The following RHOU variants were observed in gnomAD, a reference collection of about 807,000 sequenced individuals.
RHOU encodes rho-related GTP-binding protein RhoU.
In RHOU, 8 loss-of-function variants were observed where a neutral mutation model predicts 12.6. The ratio of observed to expected loss-of-function variants is 0.64; its 90% CI spans 0.37 to 1.15. The LOEUF (loss-of-function observed/expected upper bound fraction) is 1.15, where lower values mean the gene tolerates loss of function less well. Ranked by LOEUF, RHOU falls within the 50% of genes most tolerant of loss-of-function variation. RHOU has a pLI of 0.01. For synonymous variants in RHOU, 161 were observed against 147.4 expected, an observed-to-expected ratio of 1.09 and a Z score of -0.67; for missense variants, 258 against 347.0, an observed-to-expected ratio of 0.74 and a Z score of 2.04.
chr1:228,672,958 A>G, the RHOU span, among the ~76,000 whole-genome samples: 59 of 152,344 alleles, frequency 3.9e-4, 1 homozygote, highest in East Asian at 0.011. Context: ...ATGAACTGCC[A>G]CAGCTTATTC....
the RHOU span, among the ~76,000 whole-genome samples, chr1:228,676,635 C>T: frequency 1.3e-5 from 2 of 152,230 alleles, no homozygotes; most frequent in Non-Finnish European, 2.9e-5. Context: ...CACCTGGGTG[C>T]AGGCAGGCTG....
the RHOU span, among the ~76,000 whole-genome samples, chr1:228,688,996 A>G: frequency 6.6e-6 from 1 of 152,124 alleles, no homozygotes; most frequent in South Asian, 2.1e-4. Flanking sequence ...CTCTAGGGAG[A>G]CAGAATGGAC....
chr1:228,736,692 T>C (rs956810611), intron 1 of RHOU, among the ~76,000 whole-genome samples: 2 of 152,236 alleles, frequency 1.3e-5, no homozygotes, highest in Non-Finnish European at 1.5e-5. Flanking sequence ...AAAGCTCCTA[T>C]GTACCGGGTG....
chr1:228,678,016 T>C, the RHOU span, among the ~76,000 whole-genome samples: 1 of 152,168 alleles, frequency 6.6e-6, no homozygotes. Context: ...AGAGGTATTT[T>C]AGTTTTCTGA....
chr1:228,718,443 G>T, the RHOU span, among the ~76,000 whole-genome samples: 2 of 152,184 alleles, frequency 1.3e-5, no homozygotes, highest in Non-Finnish European at 2.9e-5. Flanking sequence ...CAGTTTAATT[G>T]GGTGGTTCTG....
At chr1:228,709,572 C>T in the RHOU span, among the ~76,000 whole-genome samples, 7 of 145,994 alleles carry the variant, frequency 4.8e-5, no homozygotes, top group Middle Eastern at 3.6e-3. Context: ...GGGTACATAA[C>T]GAAATGAAGG....
chr1:228,734,476 GT>G (rs562932059), upstream of RHOU, among the ~76,000 whole-genome samples: 13 of 152,164 alleles, frequency 8.5e-5, no homozygotes, highest in Non-Finnish European at 8.8e-5. Context: ...ATCCCAAAAC[GT>G]TACTTAATAT....
chr1:228,703,096 T>C, the RHOU span, among the ~76,000 whole-genome samples: 2 of 152,174 alleles, frequency 1.3e-5, no homozygotes, highest in African/African-American at 4.8e-5. Flanking sequence ...CAGCATGGCC[T>C]GGAAAAGCAC....
the RHOU span, among the ~76,000 whole-genome samples, chr1:228,718,954 A>T: frequency 1.3e-5 from 2 of 152,220 alleles, no homozygotes; most frequent in Non-Finnish European, 2.9e-5. Flanking sequence ...GCCAGTTGAG[A>T]GATCAAAAGG....
At chr1:228,705,499 A>C in the RHOU span, among the ~76,000 whole-genome samples, 2 of 152,142 alleles carry the variant, frequency 1.3e-5, no homozygotes, top group African/African-American at 4.8e-5. Flanking sequence ...TGACTTAGCT[A>C]ATGATTTTTT....
the RHOU span, among the ~76,000 whole-genome samples, chr1:228,697,994 G>T: frequency 6.6e-6 from 1 of 152,148 alleles, no homozygotes; most frequent in Non-Finnish European, 1.5e-5. Flanking sequence ...TTGAAACAAT[G>T]ATTAATTGTA....
chr1:228,716,745 C>T, the RHOU span, among the ~76,000 whole-genome samples: 2 of 104,756 alleles, frequency 1.9e-5, no homozygotes, highest in African/African-American at 1.0e-4. Flanking sequence ...CATATACACA[C>T]ACATGTGTGT....
chr1:228,716,124 C>T, the RHOU span, among the ~76,000 whole-genome samples: 5 of 152,136 alleles, frequency 3.3e-5, no homozygotes, highest in East Asian at 9.7e-4. Context: ...TGCTTTGTTG[C>T]CCAGGGTGGT....
the RHOU span, among the ~76,000 whole-genome samples, chr1:228,701,225 C>T: frequency 3.9e-5 from 6 of 151,946 alleles, no homozygotes; most frequent in Admixed American, 1.3e-4. Flanking sequence ...TTGGGAAGGC[C>T]GTCAAATATG....
At chr1:228,655,519 G>A in the RHOU span, among the ~76,000 whole-genome samples, 1 of 152,190 alleles carries the variant, frequency 6.6e-6, no homozygotes, top group South Asian at 2.1e-4. Flanking sequence ...GATAGCAAAG[G>A]CCTATGGAAC....
At chr1:228,660,827 G>C in the RHOU span, among the ~76,000 whole-genome samples, 1 of 151,676 alleles carries the variant, frequency 6.6e-6, no homozygotes, top group Admixed American at 6.6e-5. Flanking sequence ...CAGCTAGTCA[G>C]GAGGCTGAGG....
the RHOU span, among the ~76,000 whole-genome samples, chr1:228,695,848 T>A: frequency 6.6e-6 from 1 of 152,178 alleles, no homozygotes; most frequent in South Asian, 2.1e-4. Flanking sequence ...CAACTCAACC[T>A]TCAGCCCCTC....
chr1:228,696,461 C>T, the RHOU span, among the ~76,000 whole-genome samples: 1 of 151,816 alleles, frequency 6.6e-6, no homozygotes, highest in Non-Finnish European at 1.5e-5. Context: ...AAGGAAGGTG[C>T]TTTGTAAGGT....
At chr1:228,725,094 T>A in the RHOU span, among the ~76,000 whole-genome samples, 1 of 152,342 alleles carries the variant, frequency 6.6e-6, no homozygotes, top group Admixed American at 6.5e-5. Flanking sequence ...AAAATTGGTA[T>A]TTTTTATTCA....
Sources: gnomAD v4.1 joint callset for allele counts (sites outside exome capture counted in the v4.1 genomes callset) on GRCh38, gnomAD v4.1.1 for gene constraint, MANE v1.5 for transcripts, NCBI Gene and HGNC (gene_info 2026-07-23, HGNC 2026-07-21) for gene names.